Variants in RIPOR2 observed in about 807,000 individuals in gnomAD.
RIPOR2 encodes the protein rho family-interacting cell polarization regulator 2.
In RIPOR2, 39 loss-of-function variants were observed where a neutral mutation model predicts 114.5. The ratio of observed to expected loss-of-function variants is 0.34; its 90% CI spans 0.26 to 0.44. The LOEUF is 0.44. Ranked by LOEUF, RIPOR2 falls within the 20% of genes least tolerant of loss-of-function variation. The pLI is 1.00. For missense variants in RIPOR2, 1,007 were observed against 1,255.1 expected, an observed-to-expected ratio of 0.80 and a Z score of 2.99; for synonymous variants, 445 against 484.4, an observed-to-expected ratio of 0.92 and a Z score of 1.07.
chr6:24,852,765 G>A (rs931463048), intron 8 of RIPOR2, 147 bp from the exon 9 acceptor site: 10 of 539,126 alleles, frequency 1.9e-5, no homozygotes, highest in Non-Finnish European at 2.9e-5. Flanking sequence ...CTGGGGAACA[G>A]CTGTTTTTGG....
At chr6:24,969,234 G>C (rs1480257477) in intron 1 of RIPOR2, among the ~76,000 whole-genome samples, 1 of 152,088 alleles carries the variant, frequency 6.6e-6, no homozygotes, top group African/African-American at 2.4e-5. Flanking sequence ...TTCCAGGTGA[G>C]AACCACCGAT....
chr6:25,026,878 G>C (rs76333790), intron 1 of RIPOR2, among the ~76,000 whole-genome samples: 3,833 of 152,302 alleles, frequency 0.025, 69 homozygotes, highest in Middle Eastern at 0.058. Context: ...CTCCAGTGGA[G>C]AGGAGGCTGA....
chr6:24,872,797 A>G, intron 4 of RIPOR2, 84 bp downstream of exon 4: 1 of 894,214 alleles, frequency 1.1e-6, no homozygotes, highest in Non-Finnish European at 1.8e-6. Flanking sequence ...TTTCTCAAAC[A>G]TTCCTCCCCA....
intron 1 of RIPOR2, among the ~76,000 whole-genome samples, chr6:24,916,385 C>T (rs567225021): frequency 6.6e-6 from 1 of 152,344 alleles, no homozygotes; most frequent in East Asian, 1.9e-4. Flanking sequence ...CTATTTAATA[C>T]ACTTCTCCTC....
At chr6:25,040,217 G>A (rs1449096145) in intron 1 of RIPOR2, among the ~76,000 whole-genome samples, 1 of 151,896 alleles carries the variant, frequency 6.6e-6, no homozygotes, top group East Asian at 1.9e-4. Flanking sequence ...TTGGGTTCAA[G>A]CGATTCTCCA....
chr6:24,848,039 C>A lies in RIPOR2; in HGVS notation c.1150G>T (p.Asp384Tyr). The change falls in exon 12 of 22, where the codon GAC (aspartate) becomes TAC (tyrosine). Residue 384 changes from aspartate (D) to tyrosine (Y), a missense_variant. Transcript: ENST00000643898. The part of the protein sequence containing the change: ...QGTPETPTFK[D>Y]HSFFSNLPDD... ...ACTGAACTTACAAAGAAGGAGTGGT[C>A]TTTGAAGGTGGGCGTTTCCGGGGTA... The A allele has an allele frequency of 6.2e-7, 1 of 1,613,978 alleles. No homozygotes were observed. The highest frequency in any genetic ancestry group is 1.7e-4 in the Middle Eastern group (1 of 6,060).
intron 21 of RIPOR2, 99 bp from the exon 22 acceptor site, chr6:24,806,572 A>G: frequency 3.7e-6 from 3 of 814,730 alleles, no homozygotes; most frequent in Non-Finnish European, 5.7e-6. Context: ...GGGTTGCTAT[A>G]ATATGCTATG....
At chr6:24,921,019 C>G (rs1260101787) in intron 1 of RIPOR2, among the ~76,000 whole-genome samples, 2 of 152,166 alleles carry the variant, frequency 1.3e-5, no homozygotes, top group African/African-American at 4.8e-5. Context: ...CAGAATGATC[C>G]TTTTGTAAGG....
intron 1 of RIPOR2, among the ~76,000 whole-genome samples, chr6:25,035,008 T>C (rs1410623636): frequency 3.3e-5 from 5 of 152,258 alleles, no homozygotes; most frequent in Non-Finnish European, 7.3e-5. Context: ...GCAAGTATTC[T>C]TCTGAATGAT....
At chr6:24,839,511 A>C in intron 13 of RIPOR2, 1 of 1,405,580 alleles carries the variant, frequency 7.1e-7, no homozygotes, top group Non-Finnish European at 9.6e-7. Flanking sequence ...AGCAGGTTGA[A>C]GAATAGGAAA....
intron 8 of RIPOR2, 130 bp from the exon 9 acceptor site, chr6:24,852,748 G>A: frequency 1.7e-6 from 1 of 604,406 alleles, no homozygotes; most frequent in Non-Finnish European, 2.8e-6. Flanking sequence ...ACTTTTTGGG[G>A]CCATTCCTGG....
chr6:24,875,868 A>G (rs1294015303), intron 1 of RIPOR2, 51 bp from the exon 2 acceptor site: 2 of 1,520,170 alleles, frequency 1.3e-6, no homozygotes, highest in African/African-American at 2.8e-5. Context: ...TTCAGACAGA[A>G]GATGCACTAA....
chr6:24,840,412 T>C (rs1396653479), intron 13 of RIPOR2: 2 of 1,215,962 alleles, frequency 1.6e-6, no homozygotes, highest in African/African-American at 3.1e-5. Flanking sequence ...GCCTGGAGCA[T>C]TCTATAATGC....
chr6:24,809,091 G>T (rs540738697), intron 21 of RIPOR2, among the ~76,000 whole-genome samples: 5 of 152,146 alleles, frequency 3.3e-5, no homozygotes, highest in African/African-American at 9.6e-5. Flanking sequence ...GTTAAGAAAG[G>T]CTTTCCCCAC....
Position 25,037,890 on chromosome 6 carries a change from T to G in RIPOR2, c.76+3961A>C, listed in dbSNP as rs554782640. On this transcript the variant is annotated intron_variant, in intron 1 of 13. Coordinates refer to the RIPOR2 transcript ENST00000510784. The surrounding 1 kb of genome is among the most constrained non-coding windows in gnomAD (Gnocchi z 4.5). ...AGGATTTGTTCTCACCTGGGGAGATTTGAATATGGTCCGGGTATTAAATAA... is the reference window on the plus strand; with the variant it reads ...AGGATTTGTTCTCACCTGGGGAGATGTGAATATGGTCCGGGTATTAAATAA... 7.2e-5 allele frequency among the ~76,000 whole-genome samples: 11 copies of G among 152,302 alleles called. No homozygotes were observed. The highest frequency in any genetic ancestry group is 2.6e-4 in the Admixed American group (4 of 15,298).
At chr6:24,836,123 T>C (rs1761085364) in intron 14 of RIPOR2, 1 of 468,706 alleles carries the variant, frequency 2.1e-6, no homozygotes, top group Admixed American at 3.3e-5. Flanking sequence ...ATGAACCACT[T>C]ATGAAGTAGT....
intron 3 of RIPOR2, 105 bp from the exon 4 acceptor site, chr6:24,873,064 T>G: frequency 1.3e-6 from 1 of 751,636 alleles, no homozygotes. Flanking sequence ...AATTGAACCT[T>G]GCTCTGTAGT....
At chr6:25,023,387 G>A (rs368264875) in intron 1 of RIPOR2, 6 of 777,264 alleles carry the variant, frequency 7.7e-6, no homozygotes, top group South Asian at 5.4e-5. Flanking sequence ...CTCGTTGTAG[G>A]GAGAGAGTGG....
chr6:24,865,522 G>T, intron 6 of RIPOR2, 72 bp from the exon 7 acceptor site: 1 of 1,270,898 alleles, frequency 7.9e-7, no homozygotes, highest in Non-Finnish European at 1.1e-6. Flanking sequence ...ATTGTTACAT[G>T]CTTAATTTAC....
Sources: gnomAD v4.1 joint callset for allele counts (sites outside exome capture counted in the v4.1 genomes callset) on GRCh38, gnomAD v4.1.1 for gene constraint, Gnocchi (gnomAD v3.1) non-coding constraint, MANE v1.5 for transcripts, NCBI Gene and HGNC (gene_info 2026-07-23, HGNC 2026-07-21) for gene names.